The following MACC1 variants were observed in gnomAD, a reference collection of about 807,000 sequenced individuals.
MACC1 encodes the protein MET transcriptional regulator MACC1.
A neutral mutation model predicts 70.7 loss-of-function variants in MACC1; 79 were observed. That is an observed-to-expected ratio of 1.12 (90% CI 0.93 to 1.35). The LOEUF is 1.35. Ranked by LOEUF, MACC1 falls within the 40% of genes most tolerant of loss-of-function variation. MACC1 has a pLI of 0.00. For synonymous variants in MACC1, 361 were observed against 347.2 expected, an observed-to-expected ratio of 1.04 and a Z score of -0.44; for missense variants, 1,106 against 978.1, an observed-to-expected ratio of 1.13 and a Z score of -1.74.
Position 20,160,014 on chromosome 7 carries a change from G to C in MACC1, c.347C>G (p.Ser116Cys), listed in dbSNP as rs1053226256. Residue 116 changes from serine (S) to cysteine (C), a missense_variant, in exon 5 of 7, where the codon TCC becomes TGC. Physicochemically the swap from Ser to Cys is moderately radical, Grantham distance 112. Coordinates refer to ENST00000400331, the MANE Select transcript of MACC1 (RefSeq NM_182762.4). The part of the protein sequence containing the change: ...EIENGNSFDS[S>C]GDELDVHQLL... The stretch of plus-strand genomic sequence containing the variant: ...CTGATGCACATCAAGTTCATCACCG[G>C]AGGAATCAAAAGAATTTCCATTTTC... 1.9e-6 allele frequency: 3 copies of C among 1,612,258 alleles called. No individual in the cohort carries two copies. In the East Asian group the frequency reaches 6.7e-5, roughly 36 times the overall value.
chr7:20,158,550 C>T lies in MACC1; in HGVS notation c.1811G>A (p.Gly604Asp), dbSNP rs748446571. ...VKEWYVGVLR[G>D]KIGLVHCKNV... ...TTTGCAGTGTACAAGTCCAATCTTA[C>T]CTCTGAGGACTCCTACATACCATTC... Residue 604 changes from glycine (G) to aspartate (D), a missense_variant, in exon 5 of 7, where the codon GGT becomes GAT. Coordinates refer to ENST00000400331, the MANE Select transcript of MACC1 (RefSeq NM_182762.4). 1.1e-5 allele frequency: 17 copies of T among 1,613,922 alleles called. No individual in the cohort carries two copies. Among genetic ancestry groups the T allele is most frequent in the Admixed American group, 1.7e-5 (1 of 59,982 alleles).
At chr7:20,167,807 AGCCCC>A (rs1189754359) in intron 2 of MACC1, among the ~76,000 whole-genome samples, 1 of 152,138 alleles carries the variant, frequency 6.6e-6, no homozygotes, top group South Asian at 2.1e-4. Context: ...AATAACACAG[AGCCCC>A]ACTCTTGGAT....
intron 1 of MACC1, among the ~76,000 whole-genome samples, chr7:20,188,151 C>T (rs984048633): frequency 3.3e-5 from 5 of 152,174 alleles, no homozygotes; most frequent in African/African-American, 1.2e-4. Context: ...AAACCATCCC[C>T]ATGATTCAAT....
At position 20,195,127 on chromosome 7, in the gene MACC1, A is replaced by C. The variant is rs554579792; in HGVS notation, c.-218+22172T>G. Among the ~76,000 whole-genome samples the C allele has an allele frequency of 2.8e-4, 43 of 152,196 alleles. No individual in the cohort carries two copies. In the South Asian group the frequency reaches 7.9e-3, roughly 28 times the overall value. On this transcript the variant is annotated intron_variant, in intron 1 of 6. Transcript: ENST00000400331. ...AAAAAACAAGTATCCCCTATGCTTT[A>C]AGTTTTACCTTGATTATCAGGGAAA...
At chr7:20,155,543 G>A (rs1268413553) in intron 5 of MACC1, among the ~76,000 whole-genome samples, 3 of 152,186 alleles carry the variant, frequency 2.0e-5, no homozygotes, top group South Asian at 2.1e-4. Flanking sequence ...CCAAACCACA[G>A]AAAGTGAAAC....
At chr7:20,211,062 T>C (rs1782989901) in intron 1 of MACC1, among the ~76,000 whole-genome samples, 1 of 152,166 alleles carries the variant, frequency 6.6e-6, no homozygotes, top group South Asian at 2.1e-4. Context: ...TTATATAGTG[T>C]CTAGAGTCTA....
intron 1 of MACC1, among the ~76,000 whole-genome samples, chr7:20,205,489 A>C (rs1255036597): frequency 1.3e-5 from 2 of 151,058 alleles, no homozygotes; most frequent in Admixed American, 6.6e-5. Context: ...TCATCACCTC[A>C]CCTGTAATTC....
chr7:20,153,204 A>T (rs1156927592), intron 6 of MACC1: 1 of 152,188 alleles, frequency 6.6e-6, no homozygotes, highest in Non-Finnish European at 1.5e-5. Context: ...GCCTGCTGAC[A>T]CTTCCACTGC....
chr7:20,152,114 T>C (rs147652854), intron 6 of MACC1, among the ~76,000 whole-genome samples: 4 of 152,048 alleles, frequency 2.6e-5, no homozygotes, highest in Non-Finnish European at 5.9e-5. Flanking sequence ...CTCCCTAAGA[T>C]ACAATAAAAA....
At chr7:20,209,188 G>C (rs1782958165) in intron 1 of MACC1, among the ~76,000 whole-genome samples, 1 of 152,212 alleles carries the variant, frequency 6.6e-6, no homozygotes, top group African/African-American at 2.4e-5. Context: ...GTCCGCTCTG[G>C]GGCACTGCCC....
At chr7:20,190,329 G>C (rs1782654023) in intron 1 of MACC1, among the ~76,000 whole-genome samples, 1 of 152,032 alleles carries the variant, frequency 6.6e-6, no homozygotes. Context: ...ATTTTGAACA[G>C]TTTTCCTCTT....
At chr7:20,172,985 G>T (rs929152655) in intron 1 of MACC1, among the ~76,000 whole-genome samples, 1 of 152,150 alleles carries the variant, frequency 6.6e-6, no homozygotes, top group Admixed American at 6.5e-5. Context: ...GTTTTGTCCT[G>T]TTCTTGCTTT....
intron 1 of MACC1, among the ~76,000 whole-genome samples, chr7:20,173,030 A>C (rs1479500390): frequency 6.6e-6 from 1 of 152,218 alleles, no homozygotes; most frequent in African/African-American, 2.4e-5. Context: ...ACAGTTTAGT[A>C]TAAAATTGGG....
At chr7:20,147,002 G>A (rs1226317588) in intron 6 of MACC1, among the ~76,000 whole-genome samples, 4 of 152,174 alleles carry the variant, frequency 2.6e-5, no homozygotes, top group South Asian at 2.1e-4. Context: ...GGGCAGCAGC[G>A]TGAGTAAGTA....
chr7:20,160,085 A>T lies in MACC1; in HGVS notation c.276T>A (p.Asn92Lys). The T allele has an allele frequency of 6.2e-7, 1 of 1,611,958 alleles. No homozygotes were observed. Among genetic ancestry groups the T allele is most frequent in the Non-Finnish European group, 8.5e-7 (1 of 1,179,366 alleles). ...TQLRNNRKRN[N>K]ISILKEDPFL... is the part of the protein sequence containing the mutation. ...AAGGATCTTCCTTTAAGATGGAAAT[A>T]TTATTTCTCTTCCTGTTATTTCTTA... The change falls in exon 5 of 7, where the codon AAT becomes AAA. Residue 92 changes from asparagine (N) to lysine (K), a missense_variant. Asn to Lys is a moderately conservative substitution (Grantham distance 94, BLOSUM62 0). Coordinates refer to ENST00000400331, the MANE Select transcript of MACC1 (RefSeq NM_182762.4).
chr7:20,193,123 T>A (rs58524878), intron 1 of MACC1, among the ~76,000 whole-genome samples: 4,273 of 152,214 alleles, frequency 0.028, 212 homozygotes, highest in African/African-American at 0.098. Flanking sequence ...CTGGCCCTTC[T>A]CAGTAATCAG....
chr7:20,158,299 T>C lies in MACC1; in HGVS notation c.2062A>G (p.Lys688Glu). Residue 688 changes from lysine to glutamate, a missense_variant, in exon 5 of 7, where the codon AAA becomes GAA. By Grantham distance (56) the Lys-to-Glu change is moderately conservative. Transcript: ENST00000400331. ...ACATAAGAAACTTTCTCTGATTCTT[T>C]GTCTGCTTGAATTTGATCAAAATCT... ...LEDFDQIQADKESEKVSYVIK... is the reference protein window; with the variant it reads ...LEDFDQIQADEESEKVSYVIK... The C allele has an allele frequency of 6.2e-7, 1 of 1,613,514 alleles. No homozygotes were observed. The highest frequency in any genetic ancestry group is 2.2e-5 in the East Asian group (1 of 44,854).
chr7:20,166,133 T>C (rs147971687), intron 2 of MACC1, among the ~76,000 whole-genome samples: 1 of 152,316 alleles, frequency 6.6e-6, no homozygotes, highest in East Asian at 1.9e-4. Flanking sequence ...TTCAAAGTAT[T>C]TTTCAGTTAG....
At chr7:20,204,653 A>G (rs1219178187) in intron 1 of MACC1, among the ~76,000 whole-genome samples, 3 of 152,156 alleles carry the variant, frequency 2.0e-5, no homozygotes, top group Non-Finnish European at 4.4e-5. Context: ...GTGAGTTTAT[A>G]TTTTTTGGTT....
Sources: allele counts gnomAD v4.1 joint callset (sites outside exome capture counted in the v4.1 genomes callset), GRCh38; gene constraint gnomAD v4.1.1; transcripts MANE v1.5; gene names NCBI Gene and HGNC (gene_info 2026-07-23, HGNC 2026-07-21).